SLC28A3: variants seen among roughly 807,000 people sequenced by gnomAD.
The protein encoded by SLC28A3 is concentrative Na(+)-nucleoside cotransporter 3.
Under a neutral mutation model 84.2 loss-of-function variants are expected in SLC28A3, and 68 were observed. The observed-to-expected ratio is 0.81, with a 90% confidence interval of 0.66 to 0.99. SLC28A3 has a LOEUF of 0.99. Ranked by LOEUF, SLC28A3 falls within the 50% of genes least tolerant of loss-of-function variation. The pLI is 0.00. For missense variants in SLC28A3, 712 were observed against 841.5 expected (o/e 0.85, Z 1.90); for synonymous variants, 267 against 303.6 (o/e 0.88, Z 1.25).
chr9:84,280,514 C>T (rs1448266679), intron 15 of SLC28A3, among the ~76,000 whole-genome samples: 1 of 152,202 alleles, frequency 6.6e-6, no homozygotes, highest in Non-Finnish European at 1.5e-5. Context: ...AATCCTTCTC[C>T]AGGTGCCCAT....
At chr9:84,331,462 C>A (rs554638636) in intron 1 of SLC28A3, among the ~76,000 whole-genome samples, 1 of 152,282 alleles carries the variant, frequency 6.6e-6, no homozygotes, top group South Asian at 2.1e-4. Context: ...AGGTTTGGAT[C>A]CCTGATGGAC....
At chr9:84,313,651 G>A (rs1230181079) in intron 1 of SLC28A3, among the ~76,000 whole-genome samples, 197 bp from the exon 2 acceptor site, 1 of 151,942 alleles carries the variant, frequency 6.6e-6, no homozygotes. Context: ...ACAGTGGTTC[G>A]TACCTGTAAT....
the SLC28A3 span, among the ~76,000 whole-genome samples, chr9:84,360,002 CAAAA>C: frequency 0.011 from 611 of 56,236 alleles, 8 homozygotes; most frequent in East Asian, 0.092. Context: ...AACTCTGTCT[CAAAA>C]AAAAAAAAAA....
At chr9:84,296,781 G>A (rs1422348683) in intron 8 of SLC28A3, among the ~76,000 whole-genome samples, 3 of 152,220 alleles carry the variant, frequency 2.0e-5, no homozygotes, top group South Asian at 2.1e-4. Context: ...GTGGTTGACC[G>A]GCTGCCCCAA....
At chr9:84,329,401 C>T (rs1016757199) in intron 1 of SLC28A3, among the ~76,000 whole-genome samples, 1 of 152,146 alleles carries the variant, frequency 6.6e-6, no homozygotes, top group African/African-American at 2.4e-5. Context: ...ACTCCACCAA[C>T]AAAAGTAGAA....
At chr9:84,366,465 TG>T in the SLC28A3 span, among the ~76,000 whole-genome samples, 1 of 152,298 alleles carries the variant, frequency 6.6e-6, no homozygotes, top group East Asian at 1.9e-4. Flanking sequence ...CTTTGGTGTC[TG>T]GGCATTGAAG....
In SLC28A3 at chr9:84,279,340, A is replaced by G; in HGVS notation, c.1874T>C (p.Leu625Ser). The G allele has an allele frequency of 6.2e-7, 1 of 1,613,262 alleles. No individual in the cohort carries two copies. Among genetic ancestry groups the G allele is most frequent in the Non-Finnish European group, 8.5e-7 (1 of 1,179,464 alleles). Residue 625 changes from leucine to serine, a missense_variant, in exon 17 of 18, where the codon TTA (leucine) becomes TCA (serine). By Grantham distance (145) the Leu-to-Ser change is moderately radical (BLOSUM62 -2). Coordinates refer to ENST00000376238, the MANE Select transcript of SLC28A3 (RefSeq NM_001199633.2). ...GAAAGTGGAGTTGAAGGCATTCTCT[A>G]AAACGTGATGGCAGTTGATGTCCAC... ...TPVDINCHHV[L>S]ENAFNSTFPG...
intron 3 of SLC28A3, among the ~76,000 whole-genome samples, chr9:84,307,443 A>AAC (rs1554726649): frequency 6.9e-6 from 1 of 143,998 alleles, no homozygotes; most frequent in East Asian, 2.3e-4. Flanking sequence ...AAAAAAAAAA[A>AAC]AACAAAAACA....
the SLC28A3 span, among the ~76,000 whole-genome samples, chr9:84,347,074 G>A: frequency 1.3e-5 from 2 of 151,956 alleles, no homozygotes; most frequent in Admixed American, 6.6e-5. Flanking sequence ...TACTCAGGAG[G>A]CTGAGGCAGG....
chr9:84,350,740 G>A, the SLC28A3 span, among the ~76,000 whole-genome samples: 2 of 152,042 alleles, frequency 1.3e-5, no homozygotes, highest in Non-Finnish European at 2.9e-5. Flanking sequence ...GAGACAGAGT[G>A]TTGCTCTGTC....
intron 1 of SLC28A3, among the ~76,000 whole-genome samples, chr9:84,326,051 C>T (rs1025179268): frequency 6.6e-6 from 1 of 152,064 alleles, no homozygotes; most frequent in African/African-American, 2.4e-5. Flanking sequence ...GAGTGGAAAT[C>T]GTGTTGTGCT....
intron 8 of SLC28A3, among the ~76,000 whole-genome samples, chr9:84,295,766 T>C (rs1825391500): frequency 6.6e-6 from 1 of 152,138 alleles, no homozygotes; most frequent in Admixed American, 6.6e-5. Context: ...CTCATCCTAC[T>C]GTACCCCCTC....
At chr9:84,300,260 C>A (rs1825576829) in intron 5 of SLC28A3, among the ~76,000 whole-genome samples, 1 of 152,162 alleles carries the variant, frequency 6.6e-6, no homozygotes, top group Non-Finnish European at 1.5e-5. Context: ...GGGCCCTTCA[C>A]CTGTTCAAGG....
rs540984094 is a variant in SLC28A3 at position 84,317,204 on chromosome 9, C to A, written c.61-3750G>T. On this transcript the variant is annotated intron_variant, in intron 1 of 17. Coordinates refer to ENST00000376238, the MANE Select transcript of SLC28A3 (RefSeq NM_001199633.2). ...ATCTTGTGCCTATAGAGGAGTGATT[C>A]TTTGGGCCTGGTGAAGATCAAAAGA... is the stretch of plus-strand genomic sequence containing the variant. Among the ~76,000 whole-genome samples, 137 of 152,260 alleles carry A rather than the reference C, an allele frequency of 9.0e-4. 2 individuals carry two copies. The highest frequency in any genetic ancestry group is 3.2e-3 in the African/African-American group (133 of 41,542).
rs572199857 is a variant in SLC28A3, at chr9:84,309,270, C to T, written c.242+359G>A. Among the ~76,000 whole-genome samples, 71 of 151,976 alleles carry T rather than the reference C, an allele frequency of 4.7e-4. 2 individuals carry two copies. In the South Asian group the frequency reaches 0.014, roughly 30 times the overall value. On this transcript the variant is annotated intron_variant, in intron 3 of 17. Coordinates refer to ENST00000376238, the MANE Select transcript of SLC28A3 (RefSeq NM_001199633.2). ...TGGTGCCATGGCTCATGCTTGTAAT[C>T]CCAACACTTTGGGAGGTCGAGGTGG...
chr9:84,350,412 G>A, the SLC28A3 span, among the ~76,000 whole-genome samples: 1 of 151,764 alleles, frequency 6.6e-6, no homozygotes, highest in Non-Finnish European at 1.5e-5. Context: ...TTGCACTCCA[G>A]CCTGGGCAAC....
At chr9:84,304,128 T>C (rs1350263554) in intron 4 of SLC28A3, among the ~76,000 whole-genome samples, 3 of 152,256 alleles carry the variant, frequency 2.0e-5, no homozygotes, top group Admixed American at 1.3e-4. Flanking sequence ...AATAAAGTTG[T>C]TTTGGAATAC....
the SLC28A3 span, among the ~76,000 whole-genome samples, chr9:84,347,133 G>A: frequency 1.3e-5 from 2 of 150,034 alleles, no homozygotes; most frequent in Non-Finnish European, 3.0e-5. Context: ...TTGAGCCCAG[G>A]AGGCAGAGGT....
chr9:84,362,532 T>C, the SLC28A3 span, among the ~76,000 whole-genome samples: 1 of 152,106 alleles, frequency 6.6e-6, no homozygotes, highest in South Asian at 2.1e-4. Flanking sequence ...CTTGGGAGGC[T>C]GAGGCAAGAG....
Sources: gnomAD v4.1 joint callset for allele counts (sites outside exome capture counted in the v4.1 genomes callset) on GRCh38, gnomAD v4.1.1 for gene constraint, MANE v1.5 for transcripts, NCBI Gene and HGNC (gene_info 2026-07-23, HGNC 2026-07-21) for gene names.